Variants in KCNIP4 observed in about 807,000 individuals in gnomAD.
The protein encoded by KCNIP4 is Kv channel-interacting protein 4.
In KCNIP4, 12 loss-of-function variants were observed where a neutral mutation model predicts 34.0. The ratio of observed to expected loss-of-function variants is 0.35; its 90% CI spans 0.23 to 0.57. The LOEUF is 0.57. KCNIP4 is among the 20% of genes least tolerant of loss of function. The pLI, the probability that KCNIP4 is intolerant of heterozygous loss-of-function variation, is 0.83. For missense variants in KCNIP4, 238 were observed against 311.7 expected (o/e 0.76, Z 1.78); for synonymous variants, 124 against 102.2 (o/e 1.21, Z -1.29).
chr4:20,846,058 A>T (rs75870570), intron 3 of KCNIP4, among the ~76,000 whole-genome samples: 1 of 152,224 alleles, frequency 6.6e-6, no homozygotes, highest in African/African-American at 2.4e-5. Context: ...GAATGTAAAC[A>T]TCTTTCTATT....
intron 1 of KCNIP4, among the ~76,000 whole-genome samples, chr4:21,558,325 C>G (rs763978883): frequency 2.6e-5 from 4 of 152,000 alleles, no homozygotes; most frequent in Non-Finnish European, 5.9e-5. Flanking sequence ...AACCCTGTCT[C>G]TACTAAAAAT....
rs542646061 is a variant in KCNIP4 at position 21,686,142 on chromosome 4, T to C, written c.61+262429A>G. 2.0e-5 allele frequency among the ~76,000 whole-genome samples: 3 copies of C among 152,286 alleles called. No individual in the cohort carries two copies. The East Asian group carries it at 5.8e-4, about 29-fold the overall frequency. The stretch of plus-strand genomic sequence containing the variant: ...TGTTATAGAACAGGAATGTGACTGA[T>C]TTGGTAGGCATTAAGTCTCTTATCC... On this transcript the variant is annotated intron_variant, in intron 1 of 8. Coordinates refer to ENST00000382152, the MANE Select transcript of KCNIP4 (RefSeq NM_025221.6).
chr4:21,737,497 A>C (rs116244678), intron 1 of KCNIP4, among the ~76,000 whole-genome samples: 4,340 of 152,210 alleles, frequency 0.029, 190 homozygotes, highest in African/African-American at 0.098. Flanking sequence ...CTCTTTGACA[A>C]ATTTTTAAAA....
intron 3 of KCNIP4, among the ~76,000 whole-genome samples, chr4:20,764,913 A>T (rs758570119): frequency 2.2e-4 from 33 of 152,156 alleles, no homozygotes; most frequent in Non-Finnish European, 4.0e-4. Flanking sequence ...GATAAAATAA[A>T]CAACTCCATT....
chr4:21,386,026 T>C (rs1474479783), intron 1 of KCNIP4, among the ~76,000 whole-genome samples: 5 of 152,170 alleles, frequency 3.3e-5, no homozygotes, highest in Non-Finnish European at 7.4e-5. Flanking sequence ...ACTTGTCTCT[T>C]TCAAAGGCTA....
chr4:21,013,913 T>C (rs1394752703), intron 1 of KCNIP4, among the ~76,000 whole-genome samples: 3 of 152,196 alleles, frequency 2.0e-5, no homozygotes, highest in Non-Finnish European at 4.4e-5. Context: ...CCTTGTCAGC[T>C]TCCATAGTAC....
At chr4:21,051,615 A>T (rs1386525935) in intron 1 of KCNIP4, among the ~76,000 whole-genome samples, 1 of 152,216 alleles carries the variant, frequency 6.6e-6, no homozygotes, top group East Asian at 1.9e-4. Context: ...TCAAAATGGC[A>T]GTAAGGAAAA....
At chr4:21,683,892 A>G (rs1261372874) in intron 1 of KCNIP4, among the ~76,000 whole-genome samples, 3 of 152,110 alleles carry the variant, frequency 2.0e-5, no homozygotes, top group African/African-American at 7.2e-5. Flanking sequence ...TCGAGACTGT[A>G]CGTGTTCTCA....
rs1264695260 is a variant in KCNIP4, at chr4:21,519,562, GTA to G, written c.61+429007_61+429008del. On this transcript the variant is annotated intron_variant, in intron 1 of 8. Transcript: ENST00000382152. ...TGTATATACACATATGTGTGTATGT[GTA>G]TATATACACATATGTGTGTGTATGT... is the stretch of plus-strand genomic sequence containing the variant. Among the ~76,000 whole-genome samples, 87 of 46,776 alleles carry G rather than the reference GTA, an allele frequency of 1.9e-3. 9 individuals carry two copies. Among genetic ancestry groups the G allele is most frequent in the Middle Eastern group, 0.011 (1 of 88 alleles). 30.7% of individuals were successfully genotyped at this position (46,776 alleles called of 152,430 possible).
chr4:20,821,854 ATGTG>A (rs139608764), intron 3 of KCNIP4, among the ~76,000 whole-genome samples: 1 of 150,482 alleles, frequency 6.6e-6, no homozygotes, highest in Non-Finnish European at 1.5e-5. Flanking sequence ...GTGTGTGTGT[ATGTG>A]TGTGTGTGTG....
rs1720552273 is a variant in KCNIP4 at position 21,795,326 on chromosome 4, A to G, written c.61+153245T>C. Among the ~76,000 whole-genome samples the G allele has an allele frequency of 2.0e-5, 3 of 152,302 alleles. No homozygotes were observed. In the South Asian group the frequency reaches 6.2e-4, roughly 32 times the overall value. On this transcript the variant is annotated intron_variant, in intron 1 of 8. Transcript: ENST00000382152. ...AAACCCAGAGACGCCTTGATCTTGG[A>G]CTTCCAGCCTGCAGAACTGTGAGAA...
In KCNIP4 at chr4:20,972,492, C is replaced by T. The variant is rs548059264; in HGVS notation, c.62-89783G>A. Among the ~76,000 whole-genome samples the T allele has an allele frequency of 2.4e-4, 37 of 152,236 alleles. No individual in the cohort carries two copies. The South Asian group carries it at 7.5e-3, about 31-fold the overall frequency. On this transcript the variant is annotated intron_variant, in intron 1 of 8. Coordinates refer to ENST00000382152, the MANE Select transcript of KCNIP4 (RefSeq NM_025221.6). ...ACTCCTGGACAAGCAGGTGCATTGT[C>T]ACTGAGAACTAATATTTTGAAAGGA...
At chr4:21,037,035 GA>G (rs982419777) in intron 1 of KCNIP4, among the ~76,000 whole-genome samples, 8 of 148,290 alleles carry the variant, frequency 5.4e-5, no homozygotes, top group East Asian at 3.9e-4. Flanking sequence ...GAAGTAAAAT[GA>G]AAAAAAAATA....
At chr4:21,843,160 T>C (rs1470007055) in intron 1 of KCNIP4, among the ~76,000 whole-genome samples, 1 of 152,072 alleles carries the variant, frequency 6.6e-6, no homozygotes, top group Non-Finnish European at 1.5e-5. Flanking sequence ...AAAACTAAGT[T>C]AACTTGTTAA....
At position 21,705,698 on chromosome 4, in the gene KCNIP4, T is replaced by A. The variant is rs1036894959; in HGVS notation, c.61+242873A>T. 9.9e-5 allele frequency among the ~76,000 whole-genome samples: 15 copies of A among 152,190 alleles called. 1 individual carries two copies. The highest frequency in any genetic ancestry group is 9.8e-4 in the Admixed American group (15 of 15,282). On this transcript the variant is annotated intron_variant, in intron 1 of 8. Coordinates refer to ENST00000382152, the MANE Select transcript of KCNIP4 (RefSeq NM_025221.6). ...AAGTCCTCAAGAGAAAGTGATGATG[T>A]TTGAGTAAAATTTGAAGGTGGTGTA...
At chr4:21,691,258 G>A (rs953685015) in intron 1 of KCNIP4, among the ~76,000 whole-genome samples, 1 of 152,138 alleles carries the variant, frequency 6.6e-6, no homozygotes, top group Admixed American at 6.5e-5. Flanking sequence ...AGGAAAATGA[G>A]ACCAGCATTT....
chr4:21,252,405 T>A (rs1843352), intron 1 of KCNIP4, among the ~76,000 whole-genome samples: 1 of 152,016 alleles, frequency 6.6e-6, no homozygotes, highest in African/African-American at 2.4e-5. Context: ...GGATTACAGG[T>A]GTGAGCCCCT....
At chr4:21,564,092 T>C (rs1739659492) in intron 1 of KCNIP4, among the ~76,000 whole-genome samples, 1 of 152,246 alleles carries the variant, frequency 6.6e-6, no homozygotes, top group Non-Finnish European at 1.5e-5. Context: ...AAATTGAAAT[T>C]ACAACAAAAA....
chr4:20,814,379 C>T (rs1178803547), intron 3 of KCNIP4, among the ~76,000 whole-genome samples: 2 of 152,118 alleles, frequency 1.3e-5, no homozygotes, highest in Non-Finnish European at 2.9e-5. Context: ...TAAGTGAGAC[C>T]TCATCTTCAC....
Sources: allele counts gnomAD v4.1 joint callset (sites outside exome capture counted in the v4.1 genomes callset), GRCh38; gene constraint gnomAD v4.1.1; transcripts MANE v1.5; gene names NCBI Gene and HGNC (gene_info 2026-07-23, HGNC 2026-07-21).